MCAT: variants seen among roughly 807,000 people sequenced by gnomAD.
The protein encoded by MCAT is malonyl-CoA-acyl carrier protein transacylase.
In MCAT, 22 loss-of-function variants were observed where a neutral mutation model predicts 22.9. That is an observed-to-expected ratio of 0.96 (90% CI 0.69 to 1.37). The LOEUF is 1.37. Ranked by LOEUF, MCAT falls within the 40% of genes most tolerant of loss-of-function variation. The pLI, the probability that MCAT is intolerant of heterozygous loss-of-function variation, is 0.00. For missense variants in MCAT, 534 were observed against 533.6 expected (o/e 1.00, Z -0.01); for synonymous variants, 240 against 233.9 (o/e 1.03, Z -0.24).
At position 43,143,151 on chromosome 22, in the gene MCAT, G is replaced by C. The variant is rs566477768; in HGVS notation, c.198C>G (p.Leu66=). 1.3e-6 allele frequency: 2 copies of C among 1,581,350 alleles called. No homozygotes were observed. The highest frequency in any genetic ancestry group is 3.5e-5 in the Admixed American group (2 of 57,480). ...RRMPGQCSVL[L]FPGQGSQVVG... ...CCACCTGGCTGCCCTGGCCCGGGAA[G>C]AGCAGCACGGAGCACTGGCCCGGCA... The change falls in exon 1 of 4, where the codon CTC becomes CTG. Residue 66 remains leucine (L), a synonymous_variant. Transcript: ENST00000290429.
intron 3 of MCAT, among the ~76,000 whole-genome samples, chr22:43,136,062 G>A (rs1930600500): frequency 1.3e-5 from 2 of 152,114 alleles, no homozygotes; most frequent in Non-Finnish European, 2.9e-5. Context: ...GGGCAACACG[G>A]TGAAACCCCG....
Position 43,137,173 on chromosome 22 carries a change from C to T in MCAT, c.637G>A (p.Glu213Lys), listed in dbSNP as rs371167962. Residue 213 changes from glutamate to lysine, a missense_variant, in exon 3 of 4, where the codon GAA becomes AAA. Coordinates refer to ENST00000290429, the MANE Select transcript of MCAT (RefSeq NM_173467.5). ...TCTATGCCTAAAGACTTGCAGTGTT[C>T]CCGGGCTTCCAAACAGGCGAAGTTG... The part of the protein sequence containing the change: ...KFNFACLEAR[E>K]HCKSLGIENP... 8.1e-6 allele frequency: 13 copies of T among 1,614,050 alleles called. No individual in the cohort carries two copies. The highest frequency in any genetic ancestry group is 1.3e-5 in the African/African-American group (1 of 74,946).
chr22:43,141,245 A>G lies in MCAT; in HGVS notation c.428T>C (p.Ile143Thr), dbSNP rs559957149. Reference protein sequence around the residue: ...EKLHHLQPSVIENCVAAAGFS... With the variant: ...EKLHHLQPSVTENCVAAAGFS... The stretch of plus-strand genomic sequence containing the variant: ...TCCAGCAGCAGCAACACAGTTCTCA[A>G]TCACCTGTGGGGACAGATGCAGAAC... The change falls in exon 2 of 4, where the codon ATT (isoleucine) becomes ACT (threonine). Residue 143 changes from isoleucine (I) to threonine (T), a missense_variant. By Grantham distance (89) the Ile-to-Thr change is moderately conservative. Coordinates refer to ENST00000290429, the MANE Select transcript of MCAT (RefSeq NM_173467.5). The G allele has an allele frequency of 3.7e-6, 6 of 1,613,796 alleles. No homozygotes were observed. The African/African-American group carries it at 4.0e-5, about 11-fold the overall frequency.
In MCAT at chr22:43,143,069, C is replaced by A. The variant is rs1468995330; in HGVS notation, c.280G>T (p.Ala94Ser). 4 of 1,608,828 alleles carry A rather than the reference C, an allele frequency of 2.5e-6. No homozygotes were observed. The highest frequency in any genetic ancestry group is 1.7e-6 in the Non-Finnish European group (2 of 1,179,108). Residue 94 changes from alanine to serine, a missense_variant, in exon 1 of 4, where the codon GCC becomes TCC. Physicochemically the swap from Ala to Ser is moderately conservative, Grantham distance 99 (BLOSUM62 1). Coordinates refer to ENST00000290429, the MANE Select transcript of MCAT (RefSeq NM_173467.5). ...AGGTCGTAGCCCAGCACGCGGCGGG[C>A]GGCGGCGTAGAGTTCGCGGACGCGC... ...YPRVRELYAA[A>S]RRVLGYDLLE...
At chr22:43,136,301 G>A (rs1415813708) in intron 3 of MCAT, among the ~76,000 whole-genome samples, 2 of 152,264 alleles carry the variant, frequency 1.3e-5, no homozygotes, top group African/African-American at 2.4e-5. Flanking sequence ...TGGGCTGTGA[G>A]GGACATGAAG....
In MCAT at chr22:43,141,182, C is replaced by T; in HGVS notation, c.491G>A (p.Gly164Glu). The T allele has an allele frequency of 1.2e-6, 2 of 1,614,128 alleles. No homozygotes were observed. The highest frequency in any genetic ancestry group is 2.2e-5 in the South Asian group (2 of 91,082). ...VGEFAALVFA[G>E]AMEFAEGLYA... ...TGTACCTTCAGCAAATTCCATGGCTCCGGCAAACACTAGGGCTGCAAACTC... is the reference window on the plus strand; with the variant it reads ...TGTACCTTCAGCAAATTCCATGGCTTCGGCAAACACTAGGGCTGCAAACTC... The change falls in exon 2 of 4, where the codon GGA becomes GAA. Residue 164 changes from glycine (G) to glutamate (E), a missense_variant. Coordinates refer to ENST00000290429, the MANE Select transcript of MCAT (RefSeq NM_173467.5).
At chr22:43,141,972 T>G (rs1930781520) in intron 1 of MCAT, among the ~76,000 whole-genome samples, 1 of 152,258 alleles carries the variant, frequency 6.6e-6, no homozygotes, top group African/African-American at 2.4e-5. Flanking sequence ...GTCTATACAG[T>G]GCTTAGCACA....
chr22:43,142,403 C>G (rs1361964129), intron 1 of MCAT, among the ~76,000 whole-genome samples: 1 of 152,032 alleles, frequency 6.6e-6, no homozygotes, highest in Non-Finnish European at 1.5e-5. Context: ...AGGAGAACTG[C>G]TTGAACCTGG....
chr22:43,136,873 C>T (rs867479629), intron 3 of MCAT, among the ~76,000 whole-genome samples: 1 of 152,192 alleles, frequency 6.6e-6, no homozygotes, highest in Non-Finnish European at 1.5e-5. Context: ...GGTTCCAGAC[C>T]CCATTCTACA....
chr22:43,134,045 C>T (rs142328855), intron 3 of MCAT, among the ~76,000 whole-genome samples: 3,179 of 152,308 alleles, frequency 0.021, 112 homozygotes, highest in African/African-American at 0.073. Flanking sequence ...GGATTACAGG[C>T]ATGAGCCGCC....
rs1339559935 is a variant in MCAT at position 43,143,049 on chromosome 22, G to A, written c.300C>T (p.Tyr100=). 3 of 1,610,346 alleles carry A rather than the reference G, an allele frequency of 1.9e-6. No individual in the cohort carries two copies. The highest frequency in any genetic ancestry group is 1.3e-5 in the African/African-American group (1 of 74,876). Residue 100 remains tyrosine, a synonymous_variant, in exon 1 of 4, where the codon TAC becomes TAT. Coordinates refer to ENST00000290429, the MANE Select transcript of MCAT (RefSeq NM_173467.5). The part of the protein sequence containing the change: ...LYAAARRVLG[Y]DLLELSLHGP... The stretch of plus-strand genomic sequence containing the variant: ...CGTGCAGGCTCAGTTCCAGCAGGTC[G>A]TAGCCCAGCACGCGGCGGGCGGCGG...
chr22:43,136,281 T>C (rs1316564165), intron 3 of MCAT, among the ~76,000 whole-genome samples: 1 of 152,210 alleles, frequency 6.6e-6, no homozygotes, highest in Non-Finnish European at 1.5e-5. Context: ...TCCTTCCATA[T>C]AGCACAGGAT....
At chr22:43,136,013 T>G (rs1930598684) in intron 3 of MCAT, among the ~76,000 whole-genome samples, 1 of 152,054 alleles carries the variant, frequency 6.6e-6, no homozygotes, top group African/African-American at 2.4e-5. Context: ...GAGGCTGAGG[T>G]GGGGGGATCC....
chr22:43,133,807 C>CTTTT (rs59733103), intron 3 of MCAT, among the ~76,000 whole-genome samples: 1 of 141,322 alleles, frequency 7.1e-6, no homozygotes, highest in African/African-American at 2.6e-5. Flanking sequence ...AATGAGAATT[C>CTTTT]TTTTTTTTTT....
rs201017696 is a variant in MCAT at position 43,133,402 on chromosome 22, G to A, written c.814C>T (p.Arg272Cys). The A allele has an allele frequency of 9.9e-6, 16 of 1,614,146 alleles. No individual in the cohort carries two copies. The highest frequency in any genetic ancestry group is 9.3e-5 in the African/African-American group (7 of 75,030). ...MLPVSGAFHT[R>C]LMEPAVEPLT... ...GGCTCCACGGCTGGCTCCATGAGGCGGGTGTGGAATGCGCCACTAACCGGC... is the reference window on the plus strand; with the variant it reads ...GGCTCCACGGCTGGCTCCATGAGGCAGGTGTGGAATGCGCCACTAACCGGC... Residue 272 changes from arginine (R) to cysteine (C), a missense_variant, in exon 4 of 4, where the codon CGC (arginine) becomes TGC (cysteine). By Grantham distance (180) the Arg-to-Cys change is radical. Coordinates refer to ENST00000290429, the MANE Select transcript of MCAT (RefSeq NM_173467.5).
chr22:43,143,033 T>G lies in MCAT; in HGVS notation c.316A>C (p.Ser106Arg). Reference sequence around the variant, plus strand: ...AGGGTCTCCTGCGGCCCGTGCAGGCTCAGTTCCAGCAGGTCGTAGCCCAGC... The same window carrying G: ...AGGGTCTCCTGCGGCCCGTGCAGGCGCAGTTCCAGCAGGTCGTAGCCCAGC... ...RVLGYDLLEL[S>R]LHGPQETLDR... Residue 106 changes from serine (S) to arginine (R), a missense_variant, in exon 1 of 4, where the codon AGC becomes CGC. Ser to Arg is a moderately radical substitution (Grantham distance 110). Transcript: ENST00000290429. The G allele has an allele frequency of 1.9e-6, 3 of 1,610,314 alleles. No individual in the cohort carries two copies. Among genetic ancestry groups the G allele is most frequent in the Non-Finnish European group, 2.5e-6 (3 of 1,179,024 alleles).
intron 2 of MCAT, among the ~76,000 whole-genome samples, chr22:43,139,935 TA>T: frequency 6.6e-6 from 1 of 152,276 alleles, no homozygotes; most frequent in East Asian, 1.9e-4. Context: ...AATTGTTTCA[TA>T]AAATGTGAAA....
chr22:43,137,072 A>T lies in MCAT; in HGVS notation c.729+9T>A, dbSNP rs1930633826. On this transcript the variant is annotated intron_variant, in intron 3 of 3. Coordinates refer to ENST00000290429, the MANE Select transcript of MCAT (RefSeq NM_173467.5). The stretch of plus-strand genomic sequence containing the variant: ...CTGGCCTATGAAGGCAGTTCCCATC[A>T]ACACCCACCTCTTGGTGTCCTGAAA... 1 of 1,613,324 alleles carries T rather than the reference A, an allele frequency of 6.2e-7. No individual in the cohort carries two copies. Among genetic ancestry groups the T allele is most frequent in the East Asian group, 2.2e-5 (1 of 44,902 alleles).
At chr22:43,137,388 T>G in intron 2 of MCAT, 90 bp from the exon 3 acceptor site, 10 of 1,040,450 alleles carry the variant, frequency 9.6e-6, no homozygotes, top group Non-Finnish European at 1.4e-5. Context: ...AGCTCCACTC[T>G]GCACTAGAGA....
Sources: allele counts gnomAD v4.1 joint callset (sites outside exome capture counted in the v4.1 genomes callset), GRCh38; gene constraint gnomAD v4.1.1; transcripts MANE v1.5; gene names NCBI Gene and HGNC (gene_info 2026-07-23, HGNC 2026-07-21).